Variants in ZNF865 observed in about 807,000 individuals in gnomAD.
The protein encoded by ZNF865 is zinc finger protein 865.
For synonymous variants in ZNF865, 763 were observed against 750.8 expected (o/e 1.02, Z -0.27); for missense variants, 1,311 against 1,593.4 (o/e 0.82, Z 3.02).
chr19:55,616,340 G>C lies in ZNF865; in HGVS notation c.2722G>C (p.Val908Leu). The change falls in exon 2 of 2, where the codon GTG becomes CTG. Residue 908 changes from valine to leucine, a missense_variant. By Grantham distance (32) the Val-to-Leu change is conservative. Transcript: ENST00000568956. ...HTGERAFKCG[V>L]CAKRFAQSSS... is the part of the protein sequence containing the mutation. ...TGGCGAGCGGGCCTTCAAGTGCGGC[G>C]TGTGCGCCAAGCGCTTCGCGCAGTC... is the stretch of plus-strand genomic sequence containing the variant. The C allele has an allele frequency of 6.6e-7, 1 of 1,522,504 alleles. No individual in the cohort carries two copies. Among genetic ancestry groups the C allele is most frequent in the Non-Finnish European group, 8.8e-7 (1 of 1,140,068 alleles). The allele number at this position is 1,522,504 out of a possible 1,614,324, so 94.3% of individuals were successfully genotyped here. A position where few individuals can be genotyped will look rare whatever the true frequency, so the allele number is the denominator to read the frequency against.
In ZNF865 at chr19:55,614,127, G is replaced by C; in HGVS notation, c.509G>C (p.Gly170Ala). ...GNLKRGGPAS[G>A]PGVTPGLGAP... ...CTGAAGCGAGGAGGGCCCGCGTCCG[G>C]GCCGGGGGTGACGCCTGGGCTGGGC... Residue 170 changes from glycine (G) to alanine (A), a missense_variant, in exon 2 of 2, where the codon GGG becomes GCG. Physicochemically the swap from Gly to Ala is moderately conservative, Grantham distance 60 (BLOSUM62 0). Coordinates refer to ENST00000568956, the MANE Select transcript of ZNF865 (RefSeq NM_001195605.2). This position sits in a 1 kb window ranked among gnomAD's most constrained non-coding sequence, Gnocchi z 8.0. The C allele has an allele frequency of 7.0e-7, 1 of 1,430,086 alleles. No homozygotes were observed. The highest frequency in any genetic ancestry group is 1.5e-5 in the African/African-American group (1 of 67,098). 88.6% of individuals were successfully genotyped at this position (1,430,086 alleles called of 1,614,324 possible). A position where few individuals can be genotyped will look rare whatever the true frequency, so the allele number is the denominator to read the frequency against.
rs1291808205 is a variant in ZNF865, at chr19:55,615,578, C to G, written c.1960C>G (p.Pro654Ala). Residue 654 changes from proline (P) to alanine (A), a missense_variant, in exon 2 of 2, where the codon CCC (proline) becomes GCC (alanine). Coordinates refer to ENST00000568956, the MANE Select transcript of ZNF865 (RefSeq NM_001195605.2). ...CCAAGGCACACCGGGGGCCTGTGGG[C>G]CCGGGGCCTCGGGCACGTCTGCAGG... is the stretch of plus-strand genomic sequence containing the variant. ...STQGTPGACG[P>A]GASGTSAGPT... The G allele has an allele frequency of 6.5e-7, 1 of 1,529,852 alleles. No homozygotes were observed. The highest frequency in any genetic ancestry group is 1.4e-5 in the African/African-American group (1 of 72,534). 94.8% of individuals were successfully genotyped at this position (1,529,852 alleles called of 1,614,324 possible).
Position 55,615,745 on chromosome 19 carries a change from C to T in ZNF865, c.2127C>T (p.Ile709=). The part of the protein sequence containing the change: ...CDACGKTFGF[I]ENLMWHKLVH... ...CCTGCGGCAAGACCTTCGGCTTCAT[C>T]GAGAACCTCATGTGGCACAAGCTGG... The change falls in exon 2 of 2, where the codon ATC becomes ATT. Residue 709 remains isoleucine, a synonymous_variant. Transcript: ENST00000568956. The T allele has an allele frequency of 2.0e-6, 3 of 1,533,054 alleles. No homozygotes were observed. Among genetic ancestry groups the T allele is most frequent in the Non-Finnish European group, 2.6e-6 (3 of 1,145,584 alleles). The allele number at this position is 1,533,054 out of a possible 1,614,324, so 95.0% of individuals were successfully genotyped here.
rs1157318201 is a variant in ZNF865, at chr19:55,616,354, C to A, written c.2736C>A (p.Arg912=). 3 of 1,522,080 alleles carry A rather than the reference C, an allele frequency of 2.0e-6. No homozygotes were observed. The African/African-American group carries it at 4.2e-5, about 21-fold the overall frequency. The allele number at this position is 1,522,080 out of a possible 1,614,324, so 94.3% of individuals were successfully genotyped here. Residue 912 remains arginine, a synonymous_variant, in exon 2 of 2, where the codon CGC becomes CGA. Coordinates refer to ENST00000568956, the MANE Select transcript of ZNF865 (RefSeq NM_001195605.2). The stretch of plus-strand genomic sequence containing the variant: ...TCAAGTGCGGCGTGTGCGCCAAGCG[C>A]TTCGCGCAGTCGTCCAGCCTGGCAG... ...RAFKCGVCAK[R]FAQSSSLAEH... is the part of the protein sequence containing the mutation.
In ZNF865 at chr19:55,613,644, G is replaced by T. The variant is rs1416392024; in HGVS notation, c.26G>T (p.Gly9Val). MEANPAGS[G>V]AGGGGSSGIG... ...ATGGAGGCGAACCCAGCGGGCAGCG[G>T]CGCCGGGGGTGGCGGGAGCAGCGGC... The change falls in exon 2 of 2, where the codon GGC becomes GTC. Residue 9 changes from glycine (G) to valine (V), a missense_variant. By Grantham distance (109) the Gly-to-Val change is moderately radical. Coordinates refer to ENST00000568956, the MANE Select transcript of ZNF865 (RefSeq NM_001195605.2). 6.6e-7 allele frequency: 1 copy of T among 1,524,998 alleles called. No individual in the cohort carries two copies. The highest frequency in any genetic ancestry group is 1.2e-5 in the South Asian group (1 of 82,562). 94.5% of individuals were successfully genotyped at this position (1,524,998 alleles called of 1,614,324 possible). A position where few individuals can be genotyped will look rare whatever the true frequency, so the allele number is the denominator to read the frequency against.
intron 1 of ZNF865, among the ~76,000 whole-genome samples, chr19:55,608,312 CTT>C (rs758447041): frequency 1.1e-4 from 14 of 125,274 alleles, no homozygotes; most frequent in Admixed American, 2.4e-4. Flanking sequence ...AGGACTGTGG[CTT>C]TTTTTTTTTT....
At chr19:55,609,404 G>C (rs1473775618) in intron 1 of ZNF865, among the ~76,000 whole-genome samples, 2 of 152,122 alleles carry the variant, frequency 1.3e-5, no homozygotes, top group Non-Finnish European at 2.9e-5. Flanking sequence ...CATCTTCTAG[G>C]GTTACTGGGA....
Position 55,614,055 on chromosome 19 carries a change from A to G in ZNF865, c.437A>G (p.Gln146Arg). 4.8e-6 allele frequency: 7 copies of G among 1,469,604 alleles called. No homozygotes were observed. Among genetic ancestry groups the G allele is most frequent in the Non-Finnish European group, 6.3e-6 (7 of 1,115,306 alleles). 91.0% of individuals were successfully genotyped at this position (1,469,604 alleles called of 1,614,324 possible). Residue 146 changes from glutamine to arginine, a missense_variant, in exon 2 of 2, where the codon CAG becomes CGG. Transcript: ENST00000568956. The surrounding 1 kb of genome is among the most constrained non-coding windows in gnomAD (Gnocchi z 8.0). ...PLFDAAFPTP[Q>R]WGIVDLSGHQ... ...TTTGACGCTGCTTTCCCCACTCCGC[A>G]GTGGGGCATCGTGGACCTCTCGGGG... is the stretch of plus-strand genomic sequence containing the variant.
chr19:55,615,087 G>T lies in ZNF865; in HGVS notation c.1469G>T (p.Gly490Val). 1 of 1,202,570 alleles carries T rather than the reference G, an allele frequency of 8.3e-7. No individual in the cohort carries two copies. The allele number at this position is 1,202,570 out of a possible 1,614,324, so 74.5% of individuals were successfully genotyped here. Residue 490 changes from glycine (G) to valine (V), a missense_variant, in exon 2 of 2, where the codon GGC becomes GTC. Coordinates refer to ENST00000568956, the MANE Select transcript of ZNF865 (RefSeq NM_001195605.2). ...APQPPPTFPP[G>V]PYLLPPDPPT... ...CAGCCCCCGCCCACCTTCCCCCCGG[G>T]CCCGTACCTCCTGCCCCCCGACCCT... is the stretch of plus-strand genomic sequence containing the variant.
rs2123594080 is a variant in ZNF865, at chr19:55,616,027, C to T, written c.2409C>T (p.His803=). ...CCACGTGCGGCCAGAGTTTCAAGCA[C>T]TTCCTGGGCCTCGTGACTCACAAGT... ...SCATCGQSFK[H]FLGLVTHKYV... Residue 803 remains histidine, a synonymous_variant, in exon 2 of 2, where the codon CAC becomes CAT. Coordinates refer to ENST00000568956, the MANE Select transcript of ZNF865 (RefSeq NM_001195605.2). 6.6e-7 allele frequency: 1 copy of T among 1,526,348 alleles called. No individual in the cohort carries two copies. The highest frequency in any genetic ancestry group is 2.5e-5 in the East Asian group (1 of 40,084). 94.6% of individuals were successfully genotyped at this position (1,526,348 alleles called of 1,614,324 possible).
In ZNF865 at chr19:55,613,610, C is replaced by G. The variant is rs936555815; in HGVS notation, c.-9C>G. The G allele has an allele frequency of 2.7e-6, 4 of 1,506,398 alleles. No individual in the cohort carries two copies. The highest frequency in any genetic ancestry group is 2.1e-5 in the Admixed American group (1 of 47,988). 93.3% of individuals were successfully genotyped at this position (1,506,398 alleles called of 1,614,324 possible). A position where few individuals can be genotyped will look rare whatever the true frequency, so the allele number is the denominator to read the frequency against. On this transcript the variant is annotated 5_prime_UTR_variant, in exon 2 of 2. Coordinates refer to ENST00000568956, the MANE Select transcript of ZNF865 (RefSeq NM_001195605.2). ...CTTCACAGGGTCTCCCGTCTCCCACCCGCCGGAGATGGAGGCGAACCCAGC... is the reference window on the plus strand; with the variant it reads ...CTTCACAGGGTCTCCCGTCTCCCACGCGCCGGAGATGGAGGCGAACCCAGC...
intron 1 of ZNF865, among the ~76,000 whole-genome samples, chr19:55,609,976 A>G (rs1340803313): frequency 2.0e-5 from 3 of 152,184 alleles, no homozygotes; most frequent in African/African-American, 7.2e-5. Context: ...CCCCTTCAGC[A>G]TCTCCACACC....
In ZNF865 at chr19:55,614,278, G is replaced by A; in HGVS notation, c.660G>A (p.Met220Ile). 6.6e-7 allele frequency: 1 copy of A among 1,516,028 alleles called. No individual in the cohort carries two copies. Among genetic ancestry groups the A allele is most frequent in the Non-Finnish European group, 8.8e-7 (1 of 1,137,440 alleles). The allele number at this position is 1,516,028 out of a possible 1,614,324, so 93.9% of individuals were successfully genotyped here. A position where few individuals can be genotyped will look rare whatever the true frequency, so the allele number is the denominator to read the frequency against. Residue 220 changes from methionine to isoleucine, a missense_variant, in exon 2 of 2, where the codon ATG (methionine) becomes ATA (isoleucine). Transcript: ENST00000568956. This position sits in a 1 kb window ranked among gnomAD's most constrained non-coding sequence, Gnocchi z 8.0. ...ACTTCCGGAGACTGAAGTACCTGATGGAGCGGCGCTTCCCCTGCGGCGTGT... is the reference window on the plus strand; with the variant it reads ...ACTTCCGGAGACTGAAGTACCTGATAGAGCGGCGCTTCCCCTGCGGCGTGT... ...KGYFRRLKYL[M>I]ERRFPCGVCQ...
Position 55,606,094 on chromosome 19 carries a change from G to A in ZNF865, c.-27+362G>A, listed in dbSNP as rs369257331. Among the ~76,000 whole-genome samples the A allele has an allele frequency of 1.5e-4, 23 of 152,066 alleles. No homozygotes were observed. In the East Asian group the frequency reaches 3.3e-3, roughly 22 times the overall value. ...ATCAGCATTGCCCCTCCCCATGTAGGGCAGCTGCTCGTGAACCCTCTTATT... is the reference window on the plus strand; with the variant it reads ...ATCAGCATTGCCCCTCCCCATGTAGAGCAGCTGCTCGTGAACCCTCTTATT... On this transcript the variant is annotated intron_variant, in intron 1 of 1. Transcript: ENST00000568956.
rs1981333800 is a variant in ZNF865 at position 55,615,786 on chromosome 19, C to T, written c.2168C>T (p.Pro723Leu). 6.6e-7 allele frequency: 1 copy of T among 1,521,784 alleles called. No individual in the cohort carries two copies. Among genetic ancestry groups the T allele is most frequent in the Non-Finnish European group, 8.8e-7 (1 of 1,140,362 alleles). The allele number at this position is 1,521,784 out of a possible 1,614,324, so 94.3% of individuals were successfully genotyped here. ...CACAAGCTGGTCCACCAGGCCGCCCCCGAGCGCCTGCTCCCGCCCGCACCC... is the reference window on the plus strand; with the variant it reads ...CACAAGCTGGTCCACCAGGCCGCCCTCGAGCGCCTGCTCCCGCCCGCACCC... ...MWHKLVHQAA[P>L]ERLLPPAPGG... Residue 723 changes from proline (P) to leucine (L), a missense_variant, in exon 2 of 2, where the codon CCC (proline) becomes CTC (leucine). Physicochemically the swap from Pro to Leu is moderately conservative, Grantham distance 98. Transcript: ENST00000568956.
In ZNF865 at chr19:55,615,296, G is replaced by A; in HGVS notation, c.1678G>A (p.Gly560Arg). The change falls in exon 2 of 2, where the codon GGG (glycine) becomes AGG (arginine). Residue 560 changes from glycine (G) to arginine (R), a missense_variant. Transcript: ENST00000568956. Reference sequence around the variant, plus strand: ...CTGCGGCATCTGCGGGCGCGGCTTCGGGCGCCGCGAGACCCTGAAGCGCCA... The same window carrying A: ...CTGCGGCATCTGCGGGCGCGGCTTCAGGCGCCGCGAGACCCTGAAGCGCCA... ...FCCGICGRGFGRRETLKRHER... is the reference protein window; with the variant it reads ...FCCGICGRGFRRRETLKRHER... 1 of 1,526,338 alleles carries A rather than the reference G, an allele frequency of 6.6e-7. No individual in the cohort carries two copies. The highest frequency in any genetic ancestry group is 8.7e-7 in the Non-Finnish European group (1 of 1,143,306). The allele number at this position is 1,526,338 out of a possible 1,614,324, so 94.5% of individuals were successfully genotyped here. A position where few individuals can be genotyped will look rare whatever the true frequency, so the allele number is the denominator to read the frequency against.
In ZNF865 at chr19:55,614,876, T is replaced by G. The variant is rs1456142786; in HGVS notation, c.1258T>G (p.Ser420Ala). Residue 420 changes from serine (S) to alanine (A), a missense_variant, in exon 2 of 2, where the codon TCC (serine) becomes GCC (alanine). By Grantham distance (99) the Ser-to-Ala change is moderately conservative. Transcript: ENST00000568956. This position sits in a 1 kb window ranked among gnomAD's most constrained non-coding sequence, Gnocchi z 8.0. ...CTGCGGGAAGGCCTTCCGCGACGCC[T>G]CCTACCTCCTCAAGCACCAGGCGGC... ...GICGKAFRDA[S>A]YLLKHQAAHA... The G allele has an allele frequency of 2.6e-6, 4 of 1,510,134 alleles. No homozygotes were observed. The highest frequency in any genetic ancestry group is 2.5e-5 in the East Asian group (1 of 39,876). 93.5% of individuals were successfully genotyped at this position (1,510,134 alleles called of 1,614,324 possible). A position where few individuals can be genotyped will look rare whatever the true frequency, so the allele number is the denominator to read the frequency against.
At position 55,616,275 on chromosome 19, in the gene ZNF865, T is replaced by A. The variant is rs1981355667; in HGVS notation, c.2657T>A (p.Leu886Gln). The change falls in exon 2 of 2, where the codon CTG becomes CAG. Residue 886 changes from leucine (L) to glutamine (Q), a missense_variant. Leu to Gln is a moderately radical substitution (Grantham distance 113). Coordinates refer to ENST00000568956, the MANE Select transcript of ZNF865 (RefSeq NM_001195605.2). ...TGTGGCGTGTGCGGCCGAGGCTTCC[T>A]GCGCTCCTGGTACCTGCGGCAGCAC... ...YRCGVCGRGF[L>Q]RSWYLRQHRV... 1.3e-6 allele frequency: 2 copies of A among 1,519,708 alleles called. No individual in the cohort carries two copies. The allele number at this position is 1,519,708 out of a possible 1,614,324, so 94.1% of individuals were successfully genotyped here.
chr19:55,616,697 G>C lies in ZNF865; in HGVS notation c.3079G>C (p.Ala1027Pro). 1 of 1,528,918 alleles carries C rather than the reference G, an allele frequency of 6.5e-7. No homozygotes were observed. The highest frequency in any genetic ancestry group is 1.2e-5 in the South Asian group (1 of 83,262). 94.7% of individuals were successfully genotyped at this position (1,528,918 alleles called of 1,614,324 possible). ...FRCSSCGEGF[A>P]NTYGLKKHRL... is the part of the protein sequence containing the mutation. ...CTGCTCCTCCTGCGGCGAGGGCTTCGCCAACACCTACGGCCTCAAGAAACA... is the reference window on the plus strand; with the variant it reads ...CTGCTCCTCCTGCGGCGAGGGCTTCCCCAACACCTACGGCCTCAAGAAACA... Residue 1027 changes from alanine (A) to proline (P), a missense_variant, in exon 2 of 2, where the codon GCC becomes CCC. Ala to Pro is a conservative substitution (Grantham distance 27, BLOSUM62 -1). Transcript: ENST00000568956.
Sources: gnomAD v4.1 joint callset for allele counts (sites outside exome capture counted in the v4.1 genomes callset) on GRCh38, gnomAD v4.1.1 for gene constraint, Gnocchi (gnomAD v3.1) non-coding constraint, MANE v1.5 for transcripts, NCBI Gene and HGNC (gene_info 2026-07-23, HGNC 2026-07-21) for gene names.